The following TENM1 variants were observed in gnomAD, a reference collection of about 807,000 sequenced individuals.
TENM1 encodes teneurin-1.
A neutral mutation model predicts 174.8 loss-of-function variants in TENM1; 35 were observed. The ratio of observed to expected loss-of-function variants is 0.20; its 90% CI spans 0.15 to 0.27. TENM1 has a LOEUF of 0.27. TENM1 is among the 10% of genes least tolerant of loss of function. The pLI is 1.00. For synonymous variants in TENM1, 781 were observed against 798.7 expected, an observed-to-expected ratio of 0.98 and a Z score of 0.37; for missense variants, 1,633 against 2,130.1, an observed-to-expected ratio of 0.77 and a Z score of 4.59.
the TENM1 span, among the ~76,000 whole-genome samples, chrX:124,994,523 G>T: frequency 1.8e-5 from 2 of 110,191 alleles, no homozygotes; most frequent in Non-Finnish European, 3.8e-5. Context: ...AGAAATTCAT[G>T]ACCTCTGTTA....
the TENM1 span, among the ~76,000 whole-genome samples, chrX:125,021,876 C>T: frequency 6.5e-4 from 73 of 112,938 alleles, no homozygotes; most frequent in African/African-American, 2.3e-3. Flanking sequence ...CAGCAGGCTG[C>T]ATTTAGCTGA....
chrX:125,197,159 T>C, the TENM1 span, among the ~76,000 whole-genome samples: 5 of 111,857 alleles, frequency 4.5e-5, no homozygotes, highest in African/African-American at 1.3e-4. Flanking sequence ...CGTACTTTTA[T>C]TTTGGCTGTT....
intron 3 of TENM1, among the ~76,000 whole-genome samples, chrX:124,780,035 G>A (rs1419433703): frequency 1.8e-5 from 2 of 111,713 alleles, no homozygotes; most frequent in African/African-American, 3.2e-5. Context: ...CCCATTTTAA[G>A]AGGATCATTC....
chrX:124,833,999 G>A (rs2056341952), intron 3 of TENM1, among the ~76,000 whole-genome samples: 1 of 110,573 alleles, frequency 9.0e-6, no homozygotes, highest in Non-Finnish European at 1.9e-5. Flanking sequence ...AGCTCTGTGA[G>A]GTCTGCAGGT....
intron 3 of TENM1, among the ~76,000 whole-genome samples, chrX:124,850,478 G>GT (rs1312798294): frequency 9.9e-5 from 11 of 111,289 alleles, no homozygotes; most frequent in Non-Finnish European, 2.1e-4. Flanking sequence ...TATTAAGGAA[G>GT]TAAACTCTAC....
chrX:125,196,429 T>A, the TENM1 span, among the ~76,000 whole-genome samples: 1 of 111,623 alleles, frequency 9.0e-6, no homozygotes, highest in Non-Finnish European at 1.9e-5. Context: ...CCCACACACA[T>A]AAACACAAAC....
At chrX:125,041,789 GAC>G in the TENM1 span, among the ~76,000 whole-genome samples, 2 of 111,575 alleles carry the variant, frequency 1.8e-5, no homozygotes, top group Non-Finnish European at 3.8e-5. Context: ...CAGAGGGAGA[GAC>G]ACACTCTCAA....
At chrX:124,395,411 T>C (rs1343206399) in intron 27 of TENM1, among the ~76,000 whole-genome samples, 49 of 109,989 alleles carry the variant, frequency 4.5e-4, no homozygotes, top group African/African-American at 1.6e-3. Context: ...GCCCTTAATT[T>C]TGAACTTCTG....
rs998752015 is a variant in TENM1 at position 124,670,643 on chromosome X, T to A, written c.1168+1040A>T. On this transcript the variant is annotated intron_variant, in intron 6 of 31. Transcript: ENST00000422452. ...GCATTAATTTTTACTGAAGCATGGA[T>A]TACAGTTACCTTTTCAAAAGCACAC... Among the ~76,000 whole-genome samples the A allele has an allele frequency of 8.1e-5, 9 of 111,351 alleles. No homozygotes were observed. The East Asian group carries it at 2.5e-3, about 31-fold the overall frequency.
chrX:124,989,779 G>GT, the TENM1 span, among the ~76,000 whole-genome samples: 1 of 110,325 alleles, frequency 9.1e-6, no homozygotes, highest in Non-Finnish European at 1.9e-5. Flanking sequence ...AGACATATGA[G>GT]ATATATTTAT....
intron 11 of TENM1, among the ~76,000 whole-genome samples, chrX:124,586,575 A>T (rs2049521026): frequency 9.0e-6 from 1 of 110,592 alleles, no homozygotes; most frequent in African/African-American, 3.3e-5. Flanking sequence ...ACCCACAGCC[A>T]ATATCATACT....
the TENM1 span, among the ~76,000 whole-genome samples, chrX:125,073,485 G>A: frequency 1.8e-5 from 2 of 110,901 alleles, no homozygotes; most frequent in East Asian, 5.7e-4. Flanking sequence ...CATCAGAAAG[G>A]CCATTTGAGG....
intron 3 of TENM1, among the ~76,000 whole-genome samples, chrX:124,792,034 C>T (rs980193754): frequency 9.1e-6 from 1 of 110,334 alleles, no homozygotes; most frequent in Non-Finnish European, 1.9e-5. Flanking sequence ...GGGAAACACC[C>T]GACCTATCTT....
chrX:124,934,493 A>G (rs1311749725), intron 1 of TENM1, among the ~76,000 whole-genome samples: 1 of 111,757 alleles, frequency 8.9e-6, no homozygotes, highest in Non-Finnish European at 1.9e-5. Flanking sequence ...GCTCCTTTAT[A>G]TTGTGTATTT....
At chrX:124,413,684 G>A (rs2060561905) in intron 25 of TENM1, among the ~76,000 whole-genome samples, 1 of 112,359 alleles carries the variant, frequency 8.9e-6, no homozygotes, top group African/African-American at 3.2e-5. Flanking sequence ...AGAGGTGACT[G>A]AGCAAGGGTG....
chrX:124,980,514 T>C, the TENM1 span, among the ~76,000 whole-genome samples: 1 of 111,375 alleles, frequency 9.0e-6, no homozygotes, highest in Non-Finnish European at 1.9e-5. Context: ...TATTTTAAAA[T>C]ATAGAAAATA....
chrX:124,996,240 G>A, the TENM1 span, among the ~76,000 whole-genome samples: 1 of 110,303 alleles, frequency 9.1e-6, no homozygotes, highest in Non-Finnish European at 1.9e-5. Flanking sequence ...TTAACTTTCT[G>A]ACCTAGCTTT....
intron 5 of TENM1, among the ~76,000 whole-genome samples, chrX:124,695,811 T>G (rs5956678): frequency 0.21 from 22,737 of 110,308 alleles, 2,788 homozygotes; most frequent in African/African-American, 0.46. Flanking sequence ...GATTTTTTTT[T>G]TCCTTCCAGT....
chrX:125,109,208 C>T, the TENM1 span, among the ~76,000 whole-genome samples: 11 of 111,809 alleles, frequency 9.8e-5, no homozygotes, highest in African/African-American at 2.9e-4. Context: ...CGTATGCATG[C>T]GCACATACAC....
Sources: gnomAD v4.1 joint callset for allele counts (sites outside exome capture counted in the v4.1 genomes callset) on GRCh38, gnomAD v4.1.1 for gene constraint, MANE v1.5 for transcripts, NCBI Gene and HGNC (gene_info 2026-07-23, HGNC 2026-07-21) for gene names.